The following INTS13 variants were observed in gnomAD, a reference collection of about 807,000 sequenced individuals.
INTS13 encodes the protein integrator complex subunit 13, also known as asunder, spermatogenesis regulator homolog (Drosphila).
Under a neutral mutation model 90.2 loss-of-function variants are expected in INTS13, and 35 were observed. The ratio of observed to expected loss-of-function variants is 0.39; its 90% CI spans 0.30 to 0.51. The LOEUF (loss-of-function observed/expected upper bound fraction) is 0.51, where lower values mean the gene tolerates loss of function less well. Ranked by LOEUF, INTS13 falls within the 20% of genes least tolerant of loss-of-function variation. The probability of loss-of-function intolerance (pLI) is 0.80; values close to 1 mark genes in which losing one functional copy is unlikely to be tolerated. For synonymous variants in INTS13, 309 were observed against 277.1 expected, an observed-to-expected ratio of 1.11 and a Z score of -1.14; for missense variants, 601 against 851.2, an observed-to-expected ratio of 0.71 and a Z score of 3.66.
chr12:26,913,669 G>A lies in INTS13; in HGVS notation c.1593C>T (p.Ile531=), dbSNP rs1392764337. The change falls in exon 14 of 17, where the codon ATC becomes ATT. Residue 531 remains isoleucine (I), a synonymous_variant. Transcript: ENST00000261191. ...CAAGGGTTTCTAATTCATTCCACATGATACGGTATTGTTCATCTCTGCAGC... is the reference window on the plus strand; with the variant it reads ...CAAGGGTTTCTAATTCATTCCACATAATACGGTATTGTTCATCTCTGCAGC... The part of the protein sequence containing the change: ...KGPKRDEQYR[I]MWNELETLVR... 1.2e-6 allele frequency: 2 copies of A among 1,612,922 alleles called. No individual in the cohort carries two copies. The highest frequency in any genetic ancestry group is 1.7e-6 in the Non-Finnish European group (2 of 1,179,362).
intron 2 of INTS13, 27 bp from the exon 3 acceptor site, chr12:26,934,657 T>A: frequency 1.4e-6 from 2 of 1,477,692 alleles, no homozygotes; most frequent in Non-Finnish European, 1.9e-6. Flanking sequence ...AAACAATTAG[T>A]ATTCAACTCT....
intron 4 of INTS13, 111 bp from the exon 5 acceptor site, chr12:26,928,396 T>C (rs998751515): frequency 1.2e-6 from 1 of 859,028 alleles, no homozygotes. Context: ...GTTACTTCAC[T>C]AAGGACTATC....
chr12:26,913,033 C>T (rs1243049622), intron 14 of INTS13, among the ~76,000 whole-genome samples: 2 of 152,024 alleles, frequency 1.3e-5, no homozygotes, highest in Non-Finnish European at 2.9e-5. Context: ...ACCCAGCCTG[C>T]AATCACTAAT....
chr12:26,927,854 T>A (rs893594432), intron 5 of INTS13, among the ~76,000 whole-genome samples: 6 of 152,142 alleles, frequency 3.9e-5, no homozygotes, highest in African/African-American at 1.4e-4. Flanking sequence ...GAGCTCAGGT[T>A]ATCTCTCCAC....
At chr12:26,931,165 G>A (rs1393901051) in intron 3 of INTS13, among the ~76,000 whole-genome samples, 5 of 151,768 alleles carry the variant, frequency 3.3e-5, no homozygotes, top group South Asian at 2.1e-4. Context: ...AAAAGAAGCC[G>A]GGCACGGTGG....
At chr12:26,912,735 T>C (rs1951818056) in intron 14 of INTS13, among the ~76,000 whole-genome samples, 1 of 151,724 alleles carries the variant, frequency 6.6e-6, no homozygotes, top group Non-Finnish European at 1.5e-5. Flanking sequence ...CAATCACTTT[T>C]TTTTTTTTTT....
intron 13 of INTS13, 123 bp downstream of exon 13, chr12:26,913,851 T>G: frequency 8.7e-7 from 1 of 1,148,424 alleles, no homozygotes. Context: ...TTGTATTATT[T>G]CATCTCAAAT....
At chr12:26,912,335 G>A (rs1951802063) in intron 14 of INTS13, among the ~76,000 whole-genome samples, 1 of 152,084 alleles carries the variant, frequency 6.6e-6, no homozygotes, top group Non-Finnish European at 1.5e-5. Flanking sequence ...TACCTGAGAG[G>A]CTAAGGCATG....
At chr12:26,925,413 T>G (rs550438279) in intron 6 of INTS13, among the ~76,000 whole-genome samples, 112 of 152,256 alleles carry the variant, frequency 7.4e-4, no homozygotes, top group Non-Finnish European at 1.2e-3. Context: ...TATTGGAATA[T>G]TTTTTGTTAA....
chr12:26,937,567 A>T (rs1392388860), intron 1 of INTS13: 2 of 152,374 alleles, frequency 1.3e-5, no homozygotes, highest in East Asian at 3.8e-4. Context: ...CTTATACTGA[A>T]TAGACAATCC....
intron 8 of INTS13, among the ~76,000 whole-genome samples, chr12:26,918,678 G>T (rs2137468836): frequency 6.6e-6 from 1 of 152,306 alleles, no homozygotes; most frequent in East Asian, 1.9e-4. Context: ...AAGGGATCTG[G>T]AAAGTAAATA....
At chr12:26,932,135 C>T (rs1035108088) in intron 3 of INTS13, among the ~76,000 whole-genome samples, 2 of 148,398 alleles carry the variant, frequency 1.3e-5, no homozygotes, top group African/African-American at 5.0e-5. Flanking sequence ...AAAGCATAAA[C>T]CCACAAGCGT....
At position 26,932,142 on chromosome 12, in the gene INTS13, G is replaced by A. The variant is rs560087465; in HGVS notation, c.300+2414C>T. Among the ~76,000 whole-genome samples the A allele has an allele frequency of 3.6e-4, 54 of 149,996 alleles. 1 individual carries two copies. The highest frequency in any genetic ancestry group is 1.0e-3 in the African/African-American group (42 of 40,744). On this transcript the variant is annotated intron_variant, in intron 3 of 16. Coordinates refer to ENST00000261191, the MANE Select transcript of INTS13 (RefSeq NM_018164.3). The stretch of plus-strand genomic sequence containing the variant: ...CAAAAAAGAAAGCATAAACCCACAA[G>A]CGTGAAGTGAGTGGAAGAAGAGACA...
chr12:26,913,528 T>C lies in INTS13; in HGVS notation c.1734A>G (p.Glu578=), dbSNP rs558905071. Residue 578 remains glutamate, a synonymous_variant, in exon 14 of 17, where the codon GAA becomes GAG. Coordinates refer to ENST00000261191, the MANE Select transcript of INTS13 (RefSeq NM_018164.3). Reference sequence around the variant, plus strand: ...CTTTCTCTGACTTGTCCTCTTTGTCTTCCCTCTTTCTTCCTCGTTTCTTTC... The same window carrying C: ...CTTTCTCTGACTTGTCCTCTTTGTCCTCCCTCTTTCTTCCTCGTTTCTTTC... ...EERKKRGRKR[E]DKEDKSEKAV... 120 of 1,614,044 alleles carry C rather than the reference T, an allele frequency of 7.4e-5. No homozygotes were observed. The highest frequency in any genetic ancestry group is 3.3e-4 in the Middle Eastern group (2 of 6,084).
rs1292565558 is a variant in INTS13, at chr12:26,937,905, G to A, written c.-121C>T. ...GTCAGCGCACAGTCGGGAGTGTCTGGTGCCACAGACAGGGGACTATGCTTT... is the reference window on the plus strand; with the variant it reads ...GTCAGCGCACAGTCGGGAGTGTCTGATGCCACAGACAGGGGACTATGCTTT... On this transcript the variant is annotated 5_prime_UTR_variant, in exon 1 of 17. Coordinates refer to ENST00000261191, the MANE Select transcript of INTS13 (RefSeq NM_018164.3). 1.3e-5 allele frequency: 2 copies of A among 152,920 alleles called. No individual in the cohort carries two copies. The highest frequency in any genetic ancestry group is 6.5e-5 in the Admixed American group (1 of 15,314). 9.5% of individuals were successfully genotyped at this position (152,920 alleles called of 1,614,324 possible).
intron 7 of INTS13, 77 bp downstream of exon 7, chr12:26,924,278 C>A: frequency 6.7e-7 from 1 of 1,491,222 alleles, no homozygotes; most frequent in Non-Finnish European, 9.1e-7. Context: ...CAGGCATGAG[C>A]TACCACGCCT....
chr12:26,910,653 T>C (rs1951743675), intron 15 of INTS13, among the ~76,000 whole-genome samples: 1 of 152,170 alleles, frequency 6.6e-6, no homozygotes, highest in African/African-American at 2.4e-5. Flanking sequence ...GTGAGTCAAT[T>C]AAACCTCTTT....
chr12:26,936,489 G>A, intron 2 of INTS13, 90 bp downstream of exon 2: 1 of 944,080 alleles, frequency 1.1e-6, no homozygotes, highest in South Asian at 1.6e-5. Context: ...TAAACACACA[G>A]TCATTATCTA....
At chr12:26,922,179 T>C (rs551915304) in intron 8 of INTS13, among the ~76,000 whole-genome samples, 1 of 152,184 alleles carries the variant, frequency 6.6e-6, no homozygotes, top group Non-Finnish European at 1.5e-5. Context: ...ATAGTGCTTG[T>C]GTTTAAGGTC....
Sources: allele counts gnomAD v4.1 joint callset (sites outside exome capture counted in the v4.1 genomes callset), GRCh38; gene constraint gnomAD v4.1.1; transcripts MANE v1.5; gene names NCBI Gene and HGNC (gene_info 2026-07-23, HGNC 2026-07-21).